KY: variants seen among roughly 807,000 people sequenced by gnomAD.
KY encodes the protein kyphoscoliosis peptidase.
Under a neutral mutation model 76.1 loss-of-function variants are expected in KY, and 43 were observed. That is an observed-to-expected ratio of 0.57 (90% CI 0.44 to 0.73). The LOEUF (loss-of-function observed/expected upper bound fraction) is 0.73, where lower values mean the gene tolerates loss of function less well. Ranked by LOEUF, KY falls within the 30% of genes least tolerant of loss-of-function variation. The pLI, the probability that KY is intolerant of heterozygous loss-of-function variation, is 0.00. For synonymous variants in KY, 277 were observed against 326.2 expected (o/e 0.85, Z 1.63); for missense variants, 722 against 828.9 (o/e 0.87, Z 1.58).
intron 3 of KY, among the ~76,000 whole-genome samples, chr3:134,636,986 A>G (rs1477997900): frequency 6.6e-6 from 1 of 152,186 alleles, no homozygotes; most frequent in Non-Finnish European, 1.5e-5. Context: ...TGCTAAATGC[A>G]TTGCAATTAT....
rs78180586 is a variant in KY at position 134,637,900 on chromosome 3, A to C, written c.262+5416T>G. ...GGTGTTGAGGTGGGCTCATGTTCGG[A>C]GCACGGCCCTGGCCCAGATGCTCCA... On this transcript the variant is annotated intron_variant, in intron 3 of 10. Coordinates refer to ENST00000423778, the MANE Select transcript of KY (RefSeq NM_178554.6). Among the ~76,000 whole-genome samples the C allele has an allele frequency of 8.7e-3, 1,325 of 152,342 alleles. 29 individuals are homozygous for C. Among genetic ancestry groups the C allele is most frequent in the East Asian group, 0.084 (432 of 5,172 alleles).
chr3:134,633,808 A>T (rs898479584), intron 3 of KY, among the ~76,000 whole-genome samples: 1 of 152,128 alleles, frequency 6.6e-6, no homozygotes, highest in Non-Finnish European at 1.5e-5. Flanking sequence ...AGGAAGAAAT[A>T]AAACTGTCTT....
At chr3:134,625,700 G>C (rs544535205) in intron 5 of KY, among the ~76,000 whole-genome samples, 1 of 152,372 alleles carries the variant, frequency 6.6e-6, no homozygotes, top group South Asian at 2.1e-4. Context: ...ACCCAGACAG[G>C]CTTCCTCCTT....
In KY at chr3:134,603,831, G is replaced by T. The variant is rs147529479; in HGVS notation, c.1734C>A (p.Asp578Glu). ...FPESFGNWGQDNELLEPLSGV... is the reference protein window; with the variant it reads ...FPESFGNWGQENELLEPLSGV... ...CTGACAGAGGTTCCAGCAGCTCATTGTCCTGTCCCCAGTTGCCAAAGCTCT... is the reference window on the plus strand; with the variant it reads ...CTGACAGAGGTTCCAGCAGCTCATTTTCCTGTCCCCAGTTGCCAAAGCTCT... The change falls in exon 11 of 11, where the codon GAC becomes GAA. Residue 578 changes from aspartate to glutamate, a missense_variant. By Grantham distance (45) the Asp-to-Glu change is conservative. Transcript: ENST00000423778. 1.2e-6 allele frequency: 2 copies of T among 1,613,840 alleles called. No individual in the cohort carries two copies. The highest frequency in any genetic ancestry group is 1.6e-4 in the Middle Eastern group (1 of 6,082).
chr3:134,643,404 G>T (rs369951644), intron 2 of KY, 26 bp from the exon 3 acceptor site: 12 of 1,603,862 alleles, frequency 7.5e-6, no homozygotes, highest in South Asian at 1.1e-5. Flanking sequence ...AGAGAGGCCT[G>T]CAGTGACCAC....
intron 10 of KY, chr3:134,607,943 C>T (rs1395714811): frequency 5.0e-6 from 5 of 996,046 alleles, no homozygotes; most frequent in Non-Finnish European, 6.0e-6. Flanking sequence ...TTACTGTGTC[C>T]CCGCCTCTCC....
intron 10 of KY, chr3:134,607,541 A>G (rs936240043): frequency 1.0e-6 from 1 of 985,658 alleles, no homozygotes; most frequent in Admixed American, 6.1e-5. Context: ...GGGAGGCTGG[A>G]CTGACCCGAC....
At position 134,607,184 on chromosome 3, in the gene KY, T is replaced by C. The variant is rs187308724; in HGVS notation, c.1090+1465A>G. ...ATACATTGAACAAGCCCTGCATCTG[T>C]TGTAAGCACAGGAAATGGATTCTCA... On this transcript the variant is annotated intron_variant, in intron 10 of 10. Transcript: ENST00000423778. The C allele has an allele frequency of 9.4e-5, 93 of 985,496 alleles. 1 individual carries two copies. The Admixed American group carries it at 5.6e-3, about 59-fold the overall frequency. 61.0% of individuals were successfully genotyped at this position (985,496 alleles called of 1,614,324 possible).
intron 3 of KY, among the ~76,000 whole-genome samples, chr3:134,635,990 T>C (rs548059397): frequency 6.6e-6 from 1 of 152,360 alleles, no homozygotes; most frequent in Non-Finnish European, 1.5e-5. Context: ...TAGTATTCTA[T>C]TTTGTAGATG....
intron 3 of KY, among the ~76,000 whole-genome samples, chr3:134,631,124 A>C (rs1964170111): frequency 6.6e-6 from 1 of 152,244 alleles, no homozygotes; most frequent in African/African-American, 2.4e-5. Context: ...CACATCATTG[A>C]AGTCTCAGAA....
rs1457147776 is a variant in KY, at chr3:134,606,802, T to C, written c.1090+1847A>G. Among the ~76,000 whole-genome samples the C allele has an allele frequency of 4.0e-4, 61 of 151,620 alleles. 1 individual carries two copies. Among genetic ancestry groups the C allele is most frequent in the Admixed American group, 4.0e-3 (61 of 15,170 alleles). ...GACCTCTATGGGAGTCCACGGCTCT[T>C]CCAGTCCCCTCTTCCTCCTCCTCCT... On this transcript the variant is annotated intron_variant, in intron 10 of 10. Coordinates refer to ENST00000423778, the MANE Select transcript of KY (RefSeq NM_178554.6).
At chr3:134,620,970 G>A (rs755982447) in intron 6 of KY, 113 bp from the exon 7 acceptor site, 63 of 692,758 alleles carry the variant, frequency 9.1e-5, no homozygotes, top group Non-Finnish European at 1.3e-4. Context: ...GAAGCTGGAG[G>A]AGAGGTCCTG....
intron 9 of KY, 103 bp from the exon 10 acceptor site, chr3:134,608,942 G>A: frequency 7.5e-7 from 1 of 1,342,000 alleles, no homozygotes; most frequent in Non-Finnish European, 1.0e-6. Flanking sequence ...ATGGGAAGAG[G>A]CACCATCTCC....
At chr3:134,639,127 T>A (rs1332066975) in intron 3 of KY, among the ~76,000 whole-genome samples, 1 of 147,732 alleles carries the variant, frequency 6.8e-6, no homozygotes, top group Non-Finnish European at 1.5e-5. Flanking sequence ...AAAGCATTGG[T>A]AGTTTAAAAA....
At chr3:134,629,781 CAATT>C (rs1408628065) in intron 3 of KY, 86 bp from the exon 4 acceptor site, 3 of 820,516 alleles carry the variant, frequency 3.7e-6, no homozygotes, top group African/African-American at 1.8e-5. Context: ...AATAAAAAAA[CAATT>C]AGTTTTAGAA....
intron 1 of KY, among the ~76,000 whole-genome samples, chr3:134,650,380 C>T (rs1390152522): frequency 1.3e-5 from 2 of 152,206 alleles, no homozygotes; most frequent in African/African-American, 4.8e-5. Flanking sequence ...ACACAGGGAG[C>T]TCCCCATCTA....
At chr3:134,607,169 C>T in intron 10 of KY, 1 of 985,450 alleles carries the variant, frequency 1.0e-6, no homozygotes, top group Non-Finnish European at 1.2e-6. Flanking sequence ...ATACATTGAA[C>T]AAGCCCTGCA....
intron 10 of KY, among the ~76,000 whole-genome samples, chr3:134,605,917 C>G (rs1316744028): frequency 2.0e-5 from 3 of 152,234 alleles, no homozygotes; most frequent in African/African-American, 7.2e-5. Flanking sequence ...CCTTCTGTTA[C>G]ACTGAAATTG....
At chr3:134,642,749 A>C (rs1237968649) in intron 3 of KY, among the ~76,000 whole-genome samples, 1 of 152,152 alleles carries the variant, frequency 6.6e-6, no homozygotes, top group Non-Finnish European at 1.5e-5. Flanking sequence ...AGAGGGAGGG[A>C]GGCTGGTTTC....
Sources: gnomAD v4.1 joint callset for allele counts (sites outside exome capture counted in the v4.1 genomes callset) on GRCh38, gnomAD v4.1.1 for gene constraint, MANE v1.5 for transcripts, NCBI Gene and HGNC (gene_info 2026-07-23, HGNC 2026-07-21) for gene names.